Variants in SLC19A1 observed in about 807,000 individuals in gnomAD.
SLC19A1 encodes the protein reduced folate transporter.
A neutral mutation model predicts 35.3 loss-of-function variants in SLC19A1; 37 were observed. The ratio of observed to expected loss-of-function variants is 1.05; its 90% CI spans 0.81 to 1.38. The LOEUF (loss-of-function observed/expected upper bound fraction) is 1.38. Ranked by LOEUF, SLC19A1 falls within the 40% of genes most tolerant of loss-of-function variation. The probability of loss-of-function intolerance (pLI) is 0.00; values close to 1 mark genes in which losing one functional copy is unlikely to be tolerated. For missense variants in SLC19A1, 831 were observed against 826.9 expected (o/e 1.00, Z -0.06); for synonymous variants, 460 against 398.5 (o/e 1.15, Z -1.84).
At position 45,534,472 on chromosome 21, in the gene SLC19A1, AGGCTCTCCCCAGACCCCAC is replaced by A; in HGVS notation, c.190-2343_190-2325del. The A allele has an allele frequency of 1.3e-5, 16 of 1,239,664 alleles. No homozygotes were observed. Among genetic ancestry groups the A allele is most frequent in the Non-Finnish European group, 1.8e-5 (16 of 879,872 alleles). 76.8% of individuals were successfully genotyped at this position (1,239,664 alleles called of 1,614,324 possible). On this transcript the variant is annotated intron_variant, in intron 2 of 5. Coordinates refer to ENST00000311124, the MANE Select transcript of SLC19A1 (RefSeq NM_194255.4). The surrounding 1 kb of genome is among the most constrained non-coding windows in gnomAD (Gnocchi z 4.2). ...TCAAAATGGTAGACAGCCAGCAGAG[AGGCTCTCCCCAGACCCCAC>A]GGCTCTCTGGAAAAGGGCGGCCAGG...
At chr21:45,529,305 G>C (rs2077763116) in intron 4 of SLC19A1, among the ~76,000 whole-genome samples, 1 of 152,244 alleles carries the variant, frequency 6.6e-6, no homozygotes, top group South Asian at 2.1e-4. Context: ...CTGACACAGA[G>C]GGCCCAATGC....
chr21:45,539,808 G>A (rs1259821033), intron 1 of SLC19A1, among the ~76,000 whole-genome samples: 1 of 152,190 alleles, frequency 6.6e-6, no homozygotes, highest in Non-Finnish European at 1.5e-5. Context: ...TTAAGAGGCA[G>A]AGGCTGGTGG....
Position 45,515,764 on chromosome 21 carries a change from T to G in SLC19A1, c.1670A>C (p.Glu557Ala). 2 of 1,613,758 alleles carry G rather than the reference T, an allele frequency of 1.2e-6. No homozygotes were observed. The highest frequency in any genetic ancestry group is 1.7e-6 in the Non-Finnish European group (2 of 1,179,982). The stretch of plus-strand genomic sequence containing the variant: ...CTGGGGACAAGTCTCATCTGCAGCC[T>G]CAGGGCCTGAGGCTTGGGCGGAGCA... ...TLCSAQASGP[E>A]AADETCPQLA... Residue 557 changes from glutamate to alanine, a missense_variant, in exon 6 of 6, where the codon GAG (glutamate) becomes GCG (alanine). Transcript: ENST00000311124.
At position 45,515,512 on chromosome 21, in the gene SLC19A1, G is replaced by A; in HGVS notation, c.*146C>T. On this transcript the variant is annotated 3_prime_UTR_variant, in exon 6 of 6. Transcript: ENST00000311124. ...CCAGCACGCTGTGGCCACCGCCAGA[G>A]TGCGGCACAGGGCAGGGGGAATCCT... 2 of 1,515,562 alleles carry A rather than the reference G, an allele frequency of 1.3e-6. No homozygotes were observed. Among genetic ancestry groups the A allele is most frequent in the Non-Finnish European group, 1.7e-6 (2 of 1,146,126 alleles). 93.9% of individuals were successfully genotyped at this position (1,515,562 alleles called of 1,614,324 possible). A position where few individuals can be genotyped will look rare whatever the true frequency, so the allele number is the denominator to read the frequency against.
At position 45,505,883 on chromosome 21, in the gene SLC19A1, G is replaced by A. The variant is rs200427354; in HGVS notation, c.498-7271C>T. On this transcript the variant is annotated intron_variant, in intron 3 of 4. Transcript: ENST00000417954. ...CCAGGCCATGCTGGGCCAGGTGCAC[G>A]AGGTTCCCGAGGGCTGGCTCATCTT... 8.3e-5 allele frequency: 133 copies of A among 1,611,876 alleles called. No homozygotes were observed. Among genetic ancestry groups the A allele is most frequent in the African/African-American group, 2.3e-4 (17 of 74,912 alleles).
In SLC19A1 at chr21:45,530,617, G is replaced by T. The variant is rs1451660029; in HGVS notation, c.1151+153C>A. Among the ~76,000 whole-genome samples the T allele has an allele frequency of 6.6e-6, 1 of 152,154 alleles. No homozygotes were observed. The highest frequency in any genetic ancestry group is 1.9e-4 in the East Asian group (1 of 5,190). On this transcript the variant is annotated intron_variant, in intron 4 of 5. Coordinates refer to ENST00000311124, the MANE Select transcript of SLC19A1 (RefSeq NM_194255.4). This position sits in a 1 kb window ranked among gnomAD's most constrained non-coding sequence, Gnocchi z 5.3. Reference sequence around the variant, plus strand: ...GGGACGCCCGAGGTCCCAGGGAGAGGCAAGTGGGGACCCTGGTCAGCTCCA... The same window carrying T: ...GGGACGCCCGAGGTCCCAGGGAGAGTCAAGTGGGGACCCTGGTCAGCTCCA...
rs576083979 is a variant in SLC19A1, at chr21:45,539,442, C to T, written c.-49-1434G>A. On this transcript the variant is annotated intron_variant, in intron 1 of 5. Transcript: ENST00000311124. ...CCACAGGGCCGGCTTGGGAGGGTGGCAGGGGGTCTGCAGAGGGTCTGGATT... is the reference window on the plus strand; with the variant it reads ...CCACAGGGCCGGCTTGGGAGGGTGGTAGGGGGTCTGCAGAGGGTCTGGATT... Among the ~76,000 whole-genome samples the T allele has an allele frequency of 4.6e-5, 7 of 152,350 alleles. No individual in the cohort carries two copies. In the East Asian group the frequency reaches 1.3e-3, roughly 29 times the overall value.
chr21:45,533,146 G>A lies in SLC19A1; in HGVS notation c.190-998C>T, dbSNP rs1327700434. 6.6e-6 allele frequency among the ~76,000 whole-genome samples: 1 copy of A among 152,190 alleles called. No individual in the cohort carries two copies. The highest frequency in any genetic ancestry group is 1.5e-5 in the Non-Finnish European group (1 of 68,016). On this transcript the variant is annotated intron_variant, in intron 2 of 5. Coordinates refer to ENST00000311124, the MANE Select transcript of SLC19A1 (RefSeq NM_194255.4). This position sits in a 1 kb window ranked among gnomAD's most constrained non-coding sequence, Gnocchi z 4.5. ...GAGGGGGAGCACAGGCTGTCAGCCTGCCCACCCCCACCTCCTCCATCACAT... is the reference window on the plus strand; with the variant it reads ...GAGGGGGAGCACAGGCTGTCAGCCTACCCACCCCCACCTCCTCCATCACAT...
In SLC19A1 at chr21:45,542,052, A is replaced by G. The variant is rs1199482500; in HGVS notation, c.-50+316T>C. ...CCGCACCCTCCCCAGGGCCCCCCAG[A>G]CCCCAGGCTGCAGACCGCAGACCCC... is the stretch of plus-strand genomic sequence containing the variant. On this transcript the variant is annotated intron_variant, in intron 1 of 5. Coordinates refer to ENST00000311124, the MANE Select transcript of SLC19A1 (RefSeq NM_194255.4). Among the ~76,000 whole-genome samples, 3 of 106,704 alleles carry G rather than the reference A, an allele frequency of 2.8e-5. No individual in the cohort carries two copies. The East Asian group carries it at 8.7e-4, about 31-fold the overall frequency. The allele number at this position is 106,704 out of a possible 152,430, so 70.0% of individuals were successfully genotyped here.
Position 45,515,826 on chromosome 21 carries a change from G to A in SLC19A1, c.1608C>T (p.Phe536=). 6.2e-7 allele frequency: 1 copy of A among 1,607,664 alleles called. No homozygotes were observed. The highest frequency in any genetic ancestry group is 8.5e-7 in the Non-Finnish European group (1 of 1,175,878). Residue 536 remains phenylalanine (F), a synonymous_variant, in exon 6 of 6, where the codon TTC becomes TTT. Coordinates refer to ENST00000311124, the MANE Select transcript of SLC19A1 (RefSeq NM_194255.4). ...GGGAAGGGGTTGTCACTGGGCTCAG[G>A]AATTCAGCTGCCTGCGGGGCCGGGG... ...AQAPAPQAAE[F]LSPVTTPSPC... is the part of the protein sequence containing the mutation.
chr21:45,561,225 G>A (rs1240415538), intron 1 of SLC19A1, among the ~76,000 whole-genome samples: 5 of 152,180 alleles, frequency 3.3e-5, no homozygotes, highest in Admixed American at 2.0e-4. Flanking sequence ...AAACAGGAAC[G>A]AGCAATGACC....
At chr21:45,505,909 C>A in intron 3 of SLC19A1, 1 of 1,612,986 alleles carries the variant, frequency 6.2e-7, no homozygotes. Context: ...GGCTCATCTT[C>A]GTGGCCGAGC....
Position 45,533,821 on chromosome 21 carries a change from T to C in SLC19A1, c.190-1673A>G, listed in dbSNP as rs563052447. 2.6e-5 allele frequency among the ~76,000 whole-genome samples: 4 copies of C among 152,248 alleles called. No individual in the cohort carries two copies. In the East Asian group the frequency reaches 7.7e-4, roughly 29 times the overall value. On this transcript the variant is annotated intron_variant, in intron 2 of 5. Coordinates refer to ENST00000311124, the MANE Select transcript of SLC19A1 (RefSeq NM_194255.4). The surrounding 1 kb of genome is among the most constrained non-coding windows in gnomAD (Gnocchi z 4.5). ...GCCTCCCCGGGGGCTCTCAGCCTCGTGTCTGGCACACCCAAGATGTGTGGC... is the reference window on the plus strand; with the variant it reads ...GCCTCCCCGGGGGCTCTCAGCCTCGCGTCTGGCACACCCAAGATGTGTGGC...
At position 45,537,825 on chromosome 21, in the gene SLC19A1, C is replaced by T. The variant is rs1478061984; in HGVS notation, c.135G>A (p.Glu45=). ...YGFMAQIRPG[E]SFITPYLLGP... ...CCAGGAGGTAGGGGGTGATGAAGCT[C>T]TCCCCTGGCCGTATCTGCGCCATGA... The change falls in exon 2 of 6, where the codon GAG becomes GAA. Residue 45 remains glutamate, a synonymous_variant. Coordinates refer to ENST00000311124, the MANE Select transcript of SLC19A1 (RefSeq NM_194255.4). 3 of 1,601,306 alleles carry T rather than the reference C, an allele frequency of 1.9e-6. No individual in the cohort carries two copies. Among genetic ancestry groups the T allele is most frequent in the Non-Finnish European group, 2.6e-6 (3 of 1,174,758 alleles).
At chr21:45,538,038 T>C (rs1220484919) in intron 1 of SLC19A1, 30 bp from the exon 2 acceptor site, 3 of 1,280,254 alleles carry the variant, frequency 2.3e-6, no homozygotes, top group Non-Finnish European at 3.1e-6. Flanking sequence ...CAGGGCACCT[T>C]GGAAGATGGT....
chr21:45,541,051 C>T (rs2078289265), intron 1 of SLC19A1, among the ~76,000 whole-genome samples: 1 of 151,474 alleles, frequency 6.6e-6, no homozygotes, highest in Admixed American at 6.6e-5. Flanking sequence ...CATTGCACAC[C>T]CTCCCACCCC....
chr21:45,518,844 G>A (rs1296030491), intron 5 of SLC19A1, among the ~76,000 whole-genome samples: 1 of 152,118 alleles, frequency 6.6e-6, no homozygotes, highest in Non-Finnish European at 1.5e-5. Context: ...CAGCAGATCT[G>A]TCTAAAATAA....
Position 45,531,479 on chromosome 21 carries a change from A to C in SLC19A1, c.859T>G (p.Tyr287Asp). 1 of 1,612,774 alleles carries C rather than the reference A, an allele frequency of 6.2e-7. No homozygotes were observed. ...NSAGYYLVVYYVHILWNEVDP... is the reference protein window; with the variant it reads ...NSAGYYLVVYDVHILWNEVDP... ...ACCTCGTTCCACAGGATGTGCACGT[A>C]GTAGACCACCAGGTAGTAGCCGGCC... is the stretch of plus-strand genomic sequence containing the variant. The change falls in exon 3 of 6, where the codon TAC (tyrosine) becomes GAC (aspartate). Residue 287 changes from tyrosine to aspartate, a missense_variant. Transcript: ENST00000311124.
rs1222624510 is a variant in SLC19A1, at chr21:45,534,764, T to G, written c.190-2616A>C. On this transcript the variant is annotated intron_variant, in intron 2 of 5. Transcript: ENST00000311124. The surrounding 1 kb of genome is among the most constrained non-coding windows in gnomAD (Gnocchi z 4.2). ...ACAGCAGGGAGGCTCTGCCCAGAGCTGTGACCTGCGTCCCACTTACAAGGC... is the reference window on the plus strand; with the variant it reads ...ACAGCAGGGAGGCTCTGCCCAGAGCGGTGACCTGCGTCCCACTTACAAGGC... 1.6e-6 allele frequency: 1 copy of G among 621,242 alleles called. No homozygotes were observed. Among genetic ancestry groups the G allele is most frequent in the African/African-American group, 1.9e-5 (1 of 53,974 alleles). 38.5% of individuals were successfully genotyped at this position (621,242 alleles called of 1,614,324 possible). A position where few individuals can be genotyped will look rare whatever the true frequency, so the allele number is the denominator to read the frequency against.
Sources: allele counts gnomAD v4.1 joint callset (sites outside exome capture counted in the v4.1 genomes callset), GRCh38; gene constraint gnomAD v4.1.1; non-coding constraint Gnocchi (gnomAD v3.1); transcripts MANE v1.5; gene names NCBI Gene and HGNC (gene_info 2026-07-23, HGNC 2026-07-21).